The following PPFIA3 variants were observed in gnomAD, a reference collection of about 807,000 sequenced individuals.
PPFIA3 encodes PPFI scaffold protein A3.
In PPFIA3, 26 loss-of-function variants were observed where a neutral mutation model predicts 145.8. That is an observed-to-expected ratio of 0.18 (90% CI 0.13 to 0.25). The LOEUF (loss-of-function observed/expected upper bound fraction) is 0.25. Among genes scored for constraint, PPFIA3 ranks in the 10% least tolerant of loss-of-function variants. The pLI is 1.00. For missense variants in PPFIA3, 1,008 were observed against 1,587.8 expected (o/e 0.63, Z 6.21); for synonymous variants, 645 against 661.4 (o/e 0.98, Z 0.38).
intron 7 of PPFIA3, among the ~76,000 whole-genome samples, chr19:49,131,871 G>A (rs879928284): frequency 2.6e-5 from 4 of 151,938 alleles, no homozygotes; most frequent in African/African-American, 4.8e-5. Flanking sequence ...TTAGCCGGGC[G>A]TGATGTCGGG....
In PPFIA3 at chr19:49,150,428, A is replaced by G; in HGVS notation, c.*206A>G. On this transcript the variant is annotated 3_prime_UTR_variant, in exon 30 of 30. Transcript: ENST00000334186. Reference sequence around the variant, plus strand: ...GGACCAAACCACATGAACTGGACTGAGAGGGGGAAGAAGCGGGGAGGAAGA... The same window carrying G: ...GGACCAAACCACATGAACTGGACTGGGAGGGGGAAGAAGCGGGGAGGAAGA... 3.0e-6 allele frequency: 1 copy of G among 331,710 alleles called. No homozygotes were observed. 20.5% of individuals were successfully genotyped at this position (331,710 alleles called of 1,614,324 possible). A position where few individuals can be genotyped will look rare whatever the true frequency, so the allele number is the denominator to read the frequency against.
In PPFIA3 at chr19:49,139,682, G is replaced by T; in HGVS notation, c.2091G>T (p.Lys697Asn). The change falls in exon 17 of 30, where the codon AAG (lysine) becomes AAT (asparagine). Residue 697 changes from lysine (K) to asparagine (N), a missense_variant. Lys to Asn is a moderately conservative substitution (Grantham distance 94). Around this residue, in one of 11 missense-constraint regions of PPFIA3, gnomAD observed 202 missense variants for 241.8 expected, o/e 0.84. Coordinates refer to ENST00000334186, the MANE Select transcript of PPFIA3 (RefSeq NM_003660.4). Reference sequence around the variant, plus strand: ...TCTGTCCTCAGAATCATGTCCCTAAGGAGGAAGCTGGAGCTCCACGAGGGG... The same window carrying T: ...TCTGTCCTCAGAATCATGTCCCTAATGAGGAAGCTGGAGCTCCACGAGGGG... ...EGTDKANHVP[K>N]EEAGAPRGEG... 1.2e-6 allele frequency: 2 copies of T among 1,604,918 alleles called. No individual in the cohort carries two copies. The highest frequency in any genetic ancestry group is 1.7e-6 in the Non-Finnish European group (2 of 1,175,682).
At chr19:49,138,836 T>C (rs1416947698) in intron 16 of PPFIA3, among the ~76,000 whole-genome samples, 1 of 151,794 alleles carries the variant, frequency 6.6e-6, no homozygotes, top group Non-Finnish European at 1.5e-5. Context: ...CCTGGCCTGG[T>C]GGCACGTGCC....
rs775077562 is a variant in PPFIA3 at position 49,133,171 on chromosome 19, G to T, written c.1026+24G>T. ...AGGTGGGGGCGCGGCCGGGAGGGGC[G>T]ATGGGGGCGGTGCCGGGGCCCAAGT... On this transcript the variant is annotated intron_variant, in intron 8 of 29. Coordinates refer to ENST00000334186, the MANE Select transcript of PPFIA3 (RefSeq NM_003660.4). The surrounding 1 kb of genome is among the most constrained non-coding windows in gnomAD (Gnocchi z 7.2). The T allele has an allele frequency of 3.8e-5, 60 of 1,586,222 alleles. No homozygotes were observed. The highest frequency in any genetic ancestry group is 5.0e-5 in the Non-Finnish European group (58 of 1,165,002).
chr19:49,123,867 C>T (rs181178031), intron 1 of PPFIA3, among the ~76,000 whole-genome samples: 15 of 152,256 alleles, frequency 9.9e-5, no homozygotes, highest in Admixed American at 8.5e-4. Flanking sequence ...TAGTTTAGAA[C>T]TTGTCCCCTG....
In PPFIA3 at chr19:49,136,801, G is replaced by A. The variant is rs1273274335; in HGVS notation, c.1743G>A (p.Glu581=). 6.3e-7 allele frequency: 1 copy of A among 1,593,960 alleles called. No individual in the cohort carries two copies. Among genetic ancestry groups the A allele is most frequent in the African/African-American group, 1.3e-5 (1 of 74,718 alleles). The change falls in exon 15 of 30, where the codon GAG becomes GAA. Residue 581 remains glutamate (E), a synonymous_variant. Coordinates refer to ENST00000334186, the MANE Select transcript of PPFIA3 (RefSeq NM_003660.4). ...AACTGGACGGCTCCGATGAGGAGGA[G>A]GCAGAGGGGATGTTTGGGGCCGAGC... The part of the protein sequence containing the change: ...PGELDGSDEE[E]AEGMFGAELL...
chr19:49,144,117 T>G (rs970483982), intron 21 of PPFIA3, among the ~76,000 whole-genome samples: 6 of 152,060 alleles, frequency 3.9e-5, no homozygotes, highest in African/African-American at 7.2e-5. Context: ...GCAATTCCAA[T>G]CCTCTGCCTC....
chr19:49,122,122 T>C (rs1812498), intron 1 of PPFIA3, among the ~76,000 whole-genome samples: 43,677 of 148,390 alleles, frequency 0.29, 6,767 homozygotes, highest in African/African-American at 0.34. Context: ...CTCTTGTTGC[T>C]CAGGCTGGAG....
intron 15 of PPFIA3, 48 bp downstream of exon 15, chr19:49,136,959 T>G: frequency 7.0e-7 from 1 of 1,432,232 alleles, no homozygotes; most frequent in Admixed American, 2.6e-5. Flanking sequence ...CGGAGCTGAC[T>G]CCACAGCCCT....
intron 15 of PPFIA3, among the ~76,000 whole-genome samples, chr19:49,137,660 T>TAAAAAAAAAAAAA (rs1325560140): frequency 3.5e-5 from 2 of 57,462 alleles, no homozygotes; most frequent in Non-Finnish European, 8.1e-5. Flanking sequence ...AAAAAAAAAG[T>TAAAAAAAAAAAAA]CCCCAACTTA....
At chr19:49,137,803 G>A (rs2041159853) in intron 15 of PPFIA3, among the ~76,000 whole-genome samples, 1 of 151,996 alleles carries the variant, frequency 6.6e-6, no homozygotes, top group Non-Finnish European at 1.5e-5. Flanking sequence ...TACCAAATGA[G>A]TCCATGCCCT....
At chr19:49,123,360 A>G (rs926903469) in intron 1 of PPFIA3, among the ~76,000 whole-genome samples, 1 of 151,766 alleles carries the variant, frequency 6.6e-6, no homozygotes, top group Admixed American at 6.6e-5. Flanking sequence ...GGATCTCATT[A>G]TGTTACTGAG....
chr19:49,134,757 AG>A, intron 12 of PPFIA3, 56 bp downstream of exon 12: 4 of 1,611,376 alleles, frequency 2.5e-6, no homozygotes, highest in Non-Finnish European at 3.4e-6. Context: ...TGCTGAGGCT[AG>A]GGTCTGCAAG....
intron 18 of PPFIA3, 56 bp downstream of exon 18, chr19:49,140,144 C>T (rs976296834): frequency 4.0e-5 from 62 of 1,569,584 alleles, no homozygotes; most frequent in Admixed American, 1.7e-4. Context: ...TTCCTCCCTC[C>T]CTTTCTTTCT....
rs774833141 is a variant in PPFIA3 at position 49,149,035 on chromosome 19, C to A, written c.3152C>A (p.Ser1051Tyr). ...WSNERVMGWVSGLGLKEFATN... is the reference protein window; with the variant it reads ...WSNERVMGWVYGLGLKEFATN... ...AATGAGCGGGTCATGGGTTGGGTGT[C>A]CGGGCTGGGCCTGAAGGAATTTGCC... Residue 1051 changes from serine (S) to tyrosine (Y), a missense_variant, in exon 26 of 30, where the codon TCC (serine) becomes TAC (tyrosine). Physicochemically the swap from Ser to Tyr is moderately radical, Grantham distance 144 (BLOSUM62 -2). Around this residue, in one of 11 missense-constraint regions of PPFIA3, gnomAD observed 154 missense variants for 369.2 expected, o/e 0.42. Transcript: ENST00000334186. The surrounding 1 kb of genome is among the most constrained non-coding windows in gnomAD (Gnocchi z 5.7). 6.2e-7 allele frequency: 1 copy of A among 1,614,128 alleles called. No individual in the cohort carries two copies. Among genetic ancestry groups the A allele is most frequent in the Non-Finnish European group, 8.5e-7 (1 of 1,180,018 alleles).
intron 1 of PPFIA3, among the ~76,000 whole-genome samples, chr19:49,124,653 T>C (rs1278186085): frequency 6.6e-6 from 1 of 152,180 alleles, no homozygotes; most frequent in Non-Finnish European, 1.5e-5. Context: ...GTAGTAACCT[T>C]CTAGGTTCTA....
rs1318133116 is a variant in PPFIA3 at position 49,141,644 on chromosome 19, C to T, written c.2462+131C>T. The T allele has an allele frequency of 1.7e-5, 11 of 635,506 alleles. No individual in the cohort carries two copies. The South Asian group carries it at 2.3e-4, about 13-fold the overall frequency. The allele number at this position is 635,506 out of a possible 1,614,324, so 39.4% of individuals were successfully genotyped here. A position where few individuals can be genotyped will look rare whatever the true frequency, so the allele number is the denominator to read the frequency against. On this transcript the variant is annotated intron_variant, in intron 19 of 29. Transcript: ENST00000334186. Reference sequence around the variant, plus strand: ...AGGGTGTGTGAGTGTGTGTGTGCAGCGGTGGTGGTGGTGAACAGAAATGGG... The same window carrying T: ...AGGGTGTGTGAGTGTGTGTGTGCAGTGGTGGTGGTGGTGAACAGAAATGGG...
chr19:49,143,698 C>T (rs1446678055), intron 21 of PPFIA3, among the ~76,000 whole-genome samples: 1 of 152,136 alleles, frequency 6.6e-6, no homozygotes, highest in Non-Finnish European at 1.5e-5. Context: ...GATTACGAGA[C>T]ATTTCAAACA....
intron 1 of PPFIA3, among the ~76,000 whole-genome samples, chr19:49,127,015 GT>G (rs1223060853): frequency 1.4e-5 from 2 of 146,710 alleles, no homozygotes; most frequent in Non-Finnish European, 3.0e-5. Context: ...CACAGGCACA[GT>G]GGCATACTTT....
Sources: allele counts gnomAD v4.1 joint callset (sites outside exome capture counted in the v4.1 genomes callset), GRCh38; gene constraint gnomAD v4.1.1; regional missense constraint gnomAD v4.1.1; non-coding constraint Gnocchi (gnomAD v3.1); transcripts MANE v1.5; gene names NCBI Gene and HGNC (gene_info 2026-07-23, HGNC 2026-07-21).